The following ORC1 variants were observed in gnomAD, a reference collection of about 807,000 sequenced individuals.
ORC1 encodes the protein origin recognition complex, subunit 1 homolog.
Under a neutral mutation model 98.9 loss-of-function variants are expected in ORC1, and 61 were observed. The observed-to-expected ratio is 0.62, with a 90% CI of 0.50 to 0.76. ORC1 has a LOEUF of 0.76. Ranked by LOEUF, ORC1 falls within the 30% of genes least tolerant of loss-of-function variation. The pLI, the probability that ORC1 is intolerant of heterozygous loss-of-function variation, is 0.00. For synonymous variants in ORC1, 385 were observed against 406.9 expected, an observed-to-expected ratio of 0.95 and a Z score of 0.65; for missense variants, 979 against 1,072.2, an observed-to-expected ratio of 0.91 and a Z score of 1.21.
intron 8 of ORC1, 129 bp from the exon 9 acceptor site, chr1:52,386,078 T>C: frequency 1.4e-6 from 1 of 735,518 alleles, no homozygotes; most frequent in Non-Finnish European, 2.5e-6. Context: ...AGTTCCTTCC[T>C]GGATAAAGGA....
At position 52,397,621 on chromosome 1, in the gene ORC1, T is replaced by G. The variant is rs1214563811; in HGVS notation, c.402+64A>C. The G allele has an allele frequency of 1.3e-5, 19 of 1,481,894 alleles. No homozygotes were observed. In the African/African-American group the frequency reaches 2.1e-4, roughly 16 times the overall value. The allele number at this position is 1,481,894 out of a possible 1,614,324, so 91.8% of individuals were successfully genotyped here. On this transcript the variant is annotated intron_variant, in intron 4 of 16. Transcript: ENST00000371568. ...AGAGCCGGTAATATTTCTGGGGTCA[T>G]GAAGTTCAGGAGGCAGACAGAAATA...
chr1:52,375,650 A>G, intron 14 of ORC1, 51 bp from the exon 15 acceptor site: 1 of 1,581,128 alleles, frequency 6.3e-7, no homozygotes, highest in Non-Finnish European at 8.7e-7. Flanking sequence ...CAGAAGAACC[A>G]AGAGATTCTT....
At chr1:52,394,148 A>G (rs1647293999) in intron 5 of ORC1, among the ~76,000 whole-genome samples, 1 of 152,212 alleles carries the variant, frequency 6.6e-6, no homozygotes, top group Non-Finnish European at 1.5e-5. Flanking sequence ...ACCCTAACTC[A>G]ATGACATTTG....
Position 52,396,280 on chromosome 1 carries a change from T to G in ORC1, c.487A>C (p.Lys163Gln), listed in dbSNP as rs1647392525. 1.2e-6 allele frequency: 2 copies of G among 1,614,098 alleles called. No homozygotes were observed. Among genetic ancestry groups the G allele is most frequent in the Non-Finnish European group, 1.7e-6 (2 of 1,180,048 alleles). Residue 163 changes from lysine to glutamine, a missense_variant, in exon 5 of 17, where the codon AAG (lysine) becomes CAG (glutamine). Coordinates refer to ENST00000371568, the MANE Select transcript of ORC1 (RefSeq NM_004153.4). The part of the protein sequence containing the change: ...TLFVKLSWNE[K>Q]KFRPLSSELF... ...TCTGAGGAAAGTGGCCTGAATTTCT[T>G]CTCATTCCAGGATAGTTTCACAAAG...
chr1:52,373,039 G>C lies in ORC1; in HGVS notation c.*142C>G, dbSNP rs544778278. On this transcript the variant is annotated 3_prime_UTR_variant, in exon 17 of 17. Transcript: ENST00000371568. ...TTCAGCCACCTGGGAGGATGAGGTT[G>C]GGGGGTCACCTAAGCCTGAGAAGTC... 1.2e-6 allele frequency: 1 copy of C among 861,676 alleles called. No individual in the cohort carries two copies. The highest frequency in any genetic ancestry group is 1.6e-5 in the African/African-American group (1 of 60,782). The allele number at this position is 861,676 out of a possible 1,614,324, so 53.4% of individuals were successfully genotyped here. A position where few individuals can be genotyped will look rare whatever the true frequency, so the allele number is the denominator to read the frequency against.
chr1:52,390,422 A>G (rs1171509057), intron 6 of ORC1, among the ~76,000 whole-genome samples: 1 of 152,254 alleles, frequency 6.6e-6, no homozygotes, highest in Non-Finnish European at 1.5e-5. Context: ...ATGTTCGACA[A>G]AGCAAACAAA....
chr1:52,401,304 C>A, intron 3 of ORC1, 58 bp downstream of exon 3: 4 of 1,607,674 alleles, frequency 2.5e-6, no homozygotes, highest in Non-Finnish European at 3.4e-6. Context: ...TCCACAATCT[C>A]CCCACCTCCC....
chr1:52,401,463 C>G lies in ORC1; in HGVS notation c.122G>C (p.Cys41Ser). 1 of 1,613,616 alleles carries G rather than the reference C, an allele frequency of 6.2e-7. No individual in the cohort carries two copies. Among genetic ancestry groups the G allele is most frequent in the South Asian group, 1.1e-5 (1 of 91,038 alleles). ...AATCTGGATGTGAATCTCGGTGGAA[C>G]AACCTTCTGTTTTCACACACATTTC... is the stretch of plus-strand genomic sequence containing the variant. The part of the protein sequence containing the change: ...YREMCVKTEG[C>S]STEIHIQIGQ... The change falls in exon 3 of 17, where the codon TGT becomes TCT. Residue 41 changes from cysteine (C) to serine (S), a missense_variant. Cys to Ser is a moderately radical substitution (Grantham distance 112). Transcript: ENST00000371568.
upstream of ORC1, chr1:52,404,822 A>G: frequency 6.2e-7 from 1 of 1,614,252 alleles, no homozygotes; most frequent in Non-Finnish European, 8.5e-7. Context: ...GGAGAAGATC[A>G]TTCGAACGCG....
chr1:52,381,590 G>C, intron 14 of ORC1, 52 bp downstream of exon 14: 1 of 1,601,842 alleles, frequency 6.2e-7, no homozygotes, highest in Non-Finnish European at 8.5e-7. Flanking sequence ...ATACCCAGCA[G>C]GTACTCAGCA....
At chr1:52,389,387 G>C (rs1647182541) in intron 6 of ORC1, 66 bp from the exon 7 acceptor site, 1 of 1,121,480 alleles carries the variant, frequency 8.9e-7, no homozygotes, top group East Asian at 2.3e-5. Context: ...AAAGGCACTA[G>C]AAGATAGTCA....
At chr1:52,381,087 C>T (rs1647063628) in intron 14 of ORC1, among the ~76,000 whole-genome samples, 1 of 152,164 alleles carries the variant, frequency 6.6e-6, no homozygotes, top group South Asian at 2.1e-4. Flanking sequence ...CCACTTTGTT[C>T]CTCAGCAGCC....
intron 10 of ORC1, 59 bp from the exon 11 acceptor site, chr1:52,384,780 T>A (rs1246361411): frequency 1.7e-5 from 24 of 1,440,936 alleles, no homozygotes; most frequent in Non-Finnish European, 2.2e-5. Flanking sequence ...CACGTTATAA[T>A]CAGTTAGGAG....
upstream of ORC1, chr1:52,408,319 C>T (rs576389567): frequency 6.5e-6 from 4 of 613,246 alleles, no homozygotes; most frequent in African/African-American, 7.3e-5. Context: ...TCTAGTTTTA[C>T]TGATGATATA....
intron 14 of ORC1, among the ~76,000 whole-genome samples, chr1:52,376,602 C>T (rs1327727028): frequency 6.6e-6 from 1 of 152,130 alleles, no homozygotes; most frequent in African/African-American, 2.4e-5. Context: ...GTAAGGGTGT[C>T]CTGTAGCCCT....
At chr1:52,408,126 C>T (rs562434943), upstream of ORC1, among the ~76,000 whole-genome samples, 10 of 150,218 alleles carry the variant, frequency 6.7e-5, no homozygotes, top group African/African-American at 9.8e-5. Flanking sequence ...CTGTAATCCT[C>T]GCTACATGGA....
intron 8 of ORC1, 47 bp from the exon 9 acceptor site, chr1:52,385,996 C>G: frequency 7.5e-7 from 1 of 1,336,800 alleles, no homozygotes; most frequent in Non-Finnish European, 1.1e-6. Flanking sequence ...AAGCAAAACA[C>G]CATCCAGGAC....
chr1:52,399,809 TCACACACA>T (rs111460694), intron 3 of ORC1, among the ~76,000 whole-genome samples: 31 of 146,042 alleles, frequency 2.1e-4, no homozygotes, highest in Non-Finnish European at 2.9e-4. Context: ...TCTGTCACTG[TCACACACA>T]CACACACACA....
chr1:52,408,793 T>C, upstream of ORC1: 1 of 1,355,500 alleles, frequency 7.4e-7, no homozygotes, highest in Non-Finnish European at 1.0e-6. Context: ...ATGCTCCTTT[T>C]CATCTACATT....
Sources: gnomAD v4.1 joint callset for allele counts (sites outside exome capture counted in the v4.1 genomes callset) on GRCh38, gnomAD v4.1.1 for gene constraint, MANE v1.5 for transcripts, NCBI Gene and HGNC (gene_info 2026-07-23, HGNC 2026-07-21) for gene names.